The following COG3 variants were observed in gnomAD, a reference collection of about 807,000 sequenced individuals.
COG3 encodes the protein component of oligomeric golgi complex 3, also known as conserved oligomeric Golgi complex subunit 3.
In COG3, 32 loss-of-function variants were observed where a neutral mutation model predicts 114.1. That is an observed-to-expected ratio of 0.28 (90% CI 0.21 to 0.38). The LOEUF is 0.38. COG3 is among the 10% of genes least tolerant of loss of function. The pLI is 1.00. For missense variants in COG3, 813 were observed against 973.2 expected, an observed-to-expected ratio of 0.84 and a Z score of 2.19; for synonymous variants, 352 against 365.7, an observed-to-expected ratio of 0.96 and a Z score of 0.43.
chr13:45,490,910 T>C lies in COG3; in HGVS notation c.925-5T>C. On this transcript the variant is annotated splice_polypyrimidine_tract_variant and splice_region_variant and intron_variant, in intron 8 of 22. Coordinates refer to ENST00000349995, the MANE Select transcript of COG3 (RefSeq NM_031431.4). ...TTTTTTGATGCATTTTTTCTTACTT[T>C]GCAGACTCTTATTGAACAAATAGAA... 1 of 1,574,140 alleles carries C rather than the reference T, an allele frequency of 6.4e-7. No individual in the cohort carries two copies. The highest frequency in any genetic ancestry group is 8.7e-7 in the Non-Finnish European group (1 of 1,152,370).
At chr13:45,471,809 T>G (rs919595669) in intron 1 of COG3, among the ~76,000 whole-genome samples, 1 of 152,206 alleles carries the variant, frequency 6.6e-6, no homozygotes, top group East Asian at 1.9e-4. Context: ...CTCGGCTCAC[T>G]GCAACCTCTG....
intron 13 of COG3, 64 bp from the exon 14 acceptor site, chr13:45,503,180 G>C: frequency 1.3e-6 from 1 of 771,560 alleles, no homozygotes; most frequent in Non-Finnish European, 2.3e-6. Flanking sequence ...TTTGTATAAA[G>C]AACATGTTCA....
intron 7 of COG3, among the ~76,000 whole-genome samples, chr13:45,484,311 A>G (rs545026512): frequency 6.6e-6 from 1 of 152,328 alleles, no homozygotes; most frequent in South Asian, 2.1e-4. Flanking sequence ...ATTATGTGCT[A>G]GTGCTTTGCT....
intron 13 of COG3, among the ~76,000 whole-genome samples, chr13:45,502,333 C>T (rs1393265116): frequency 6.6e-6 from 1 of 152,156 alleles, no homozygotes; most frequent in African/African-American, 2.4e-5. Context: ...TCTATATGCT[C>T]CCTTCCCAGT....
rs190803725 is a variant in COG3 at position 45,523,730 on chromosome 13, A to G, written c.2155-1246A>G. ...AGTAGGCAGCCATTACTATTAAAAC[A>G]AAACTGTTGGATATGGGAAAATGAC... On this transcript the variant is annotated intron_variant, in intron 19 of 22. Transcript: ENST00000349995. Among the ~76,000 whole-genome samples the G allele has an allele frequency of 7.1e-4, 108 of 152,356 alleles. 2 individuals are homozygous for G. The highest frequency in any genetic ancestry group is 2.5e-3 in the African/African-American group (104 of 41,588).
intron 1 of COG3, among the ~76,000 whole-genome samples, chr13:45,468,384 T>C (rs947759292): frequency 2.6e-5 from 4 of 152,202 alleles, no homozygotes; most frequent in African/African-American, 4.8e-5. Context: ...ATTATTAACA[T>C]CTTAAAAGAA....
chr13:45,474,012 C>T (rs927857411), intron 1 of COG3, among the ~76,000 whole-genome samples: 19 of 152,210 alleles, frequency 1.2e-4, no homozygotes, highest in African/African-American at 4.3e-4. Flanking sequence ...TGTTTACCTA[C>T]ACCTAGGACC....
chr13:45,529,968 CT>C, intron 21 of COG3, 50 bp downstream of exon 21: 1 of 1,557,962 alleles, frequency 6.4e-7, no homozygotes, highest in Non-Finnish European at 8.7e-7. Flanking sequence ...TTCAAGTATT[CT>C]TTGCCTCATT....
intron 12 of COG3, among the ~76,000 whole-genome samples, chr13:45,494,672 A>C (rs571427321): frequency 6.6e-6 from 1 of 151,680 alleles, no homozygotes; most frequent in African/African-American, 2.4e-5. Flanking sequence ...CTACAGGTGC[A>C]TGCCACCATG....
At chr13:45,487,617 C>A (rs1300006267) in intron 8 of COG3, among the ~76,000 whole-genome samples, 1 of 152,076 alleles carries the variant, frequency 6.6e-6, no homozygotes, top group Non-Finnish European at 1.5e-5. Context: ...TACAGATGGC[C>A]AGCAGGTATA....
chr13:45,486,084 C>T (rs113074877), intron 7 of COG3, among the ~76,000 whole-genome samples: 10,853 of 124,908 alleles, frequency 0.087, 676 homozygotes, highest in African/African-American at 0.17. Context: ...CCGAGGTTGG[C>T]GGATCACTCG....
Position 45,481,443 on chromosome 13 carries a change from T to C in COG3, c.624+139T>C, listed in dbSNP as rs539681148. 3.0e-5 allele frequency: 18 copies of C among 599,674 alleles called. No homozygotes were observed. In the East Asian group the frequency reaches 5.0e-4, roughly 17 times the overall value. The allele number at this position is 599,674 out of a possible 1,614,324, so 37.1% of individuals were successfully genotyped here. On this transcript the variant is annotated intron_variant, in intron 5 of 22. Transcript: ENST00000349995. ...GCTTGCTGATAGATATTCCTATTTG[T>C]AGACAGTGGAGATACCATTACCAGT...
At chr13:45,502,580 C>G (rs1411446236) in intron 13 of COG3, among the ~76,000 whole-genome samples, 2 of 151,978 alleles carry the variant, frequency 1.3e-5, no homozygotes, top group Admixed American at 6.6e-5. Flanking sequence ...GTGGACTGGC[C>G]TATGTGGTAG....
At chr13:45,498,847 A>G (rs1018638750) in intron 13 of COG3, among the ~76,000 whole-genome samples, 1 of 149,908 alleles carries the variant, frequency 6.7e-6, no homozygotes, top group African/African-American at 2.5e-5. Flanking sequence ...TATGATTCTA[A>G]TAATTTGAAT....
At chr13:45,486,382 TTTGA>T (rs1886672232) in intron 7 of COG3, 109 bp from the exon 8 acceptor site, 1 of 571,280 alleles carries the variant, frequency 1.8e-6, no homozygotes, top group Non-Finnish European at 3.3e-6. Flanking sequence ...CTCCCTAAGC[TTTGA>T]TTGGTATGCA....
In COG3 at chr13:45,536,489, C is replaced by T. The variant is rs1357288322; in HGVS notation, c.*1758C>T. The T allele has an allele frequency of 1.3e-5, 2 of 152,172 alleles. No homozygotes were observed. Among genetic ancestry groups the T allele is most frequent in the African/African-American group, 4.8e-5 (2 of 41,432 alleles). The allele number at this position is 152,172 out of a possible 1,614,324, so 9.4% of individuals were successfully genotyped here. On this transcript the variant is annotated 3_prime_UTR_variant, in exon 23 of 23. Coordinates refer to ENST00000349995, the MANE Select transcript of COG3 (RefSeq NM_031431.4). ...TTGCTAAATGATTATTTGTTTAAAT[C>T]TGTACAGTTTTAAGTGTTCACTTAT...
chr13:45,509,886 C>A, intron 15 of COG3, 70 bp downstream of exon 15: 1 of 1,389,290 alleles, frequency 7.2e-7, no homozygotes, highest in Non-Finnish European at 9.9e-7. Flanking sequence ...ATTTTAAGAT[C>A]TTGATAAAGT....
At chr13:45,500,024 A>AT (rs1190709661) in intron 13 of COG3, among the ~76,000 whole-genome samples, 23 of 125,616 alleles carry the variant, frequency 1.8e-4, no homozygotes, top group South Asian at 7.3e-4. Flanking sequence ...CCTTAAAAAA[A>AT]AATATATATA....
chr13:45,490,730 A>T (rs1195666191), intron 8 of COG3, among the ~76,000 whole-genome samples, 185 bp from the exon 9 acceptor site: 1 of 147,172 alleles, frequency 6.8e-6, no homozygotes, highest in Admixed American at 6.6e-5. Context: ...CTGTGGATAT[A>T]AAAAAACTGA....
Sources: allele counts gnomAD v4.1 joint callset (sites outside exome capture counted in the v4.1 genomes callset), GRCh38; gene constraint gnomAD v4.1.1; transcripts MANE v1.5; gene names NCBI Gene and HGNC (gene_info 2026-07-23, HGNC 2026-07-21).